The following SNX14 variants were observed in gnomAD, a reference collection of about 807,000 sequenced individuals.
SNX14 encodes the protein sorting nexin 14.
SNX14 carries 93 observed loss-of-function variants against 133.8 expected under a neutral mutation model. The ratio of observed to expected loss-of-function variants is 0.70; its 90% CI spans 0.59 to 0.83. The LOEUF (loss-of-function observed/expected upper bound fraction) is 0.83. Ranked by LOEUF, SNX14 falls within the 40% of genes least tolerant of loss-of-function variation. The probability of loss-of-function intolerance (pLI) is 0.00; values close to 1 mark genes in which losing one functional copy is unlikely to be tolerated. For missense variants in SNX14, 945 were observed against 1,094.9 expected (o/e 0.86, Z 1.93); for synonymous variants, 368 against 365.6 (o/e 1.01, Z -0.07).
At chr6:85,557,215 C>A (rs942261398) in intron 7 of SNX14, among the ~76,000 whole-genome samples, 3 of 152,094 alleles carry the variant, frequency 2.0e-5, no homozygotes, top group African/African-American at 4.8e-5. Flanking sequence ...ATACCAAATG[C>A]GAATACAAGG....
At chr6:85,535,028 CTTT>C (rs35936403) in intron 17 of SNX14, among the ~76,000 whole-genome samples, 17 of 124,122 alleles carry the variant, frequency 1.4e-4, no homozygotes, top group Admixed American at 2.5e-4. Context: ...TCTATCCATA[CTTT>C]TTTTTTTTTT....
intron 17 of SNX14, among the ~76,000 whole-genome samples, chr6:85,535,824 T>G (rs1018823947): frequency 6.6e-6 from 1 of 152,146 alleles, no homozygotes; most frequent in African/African-American, 2.4e-5. Flanking sequence ...CCACCTTTCC[T>G]CCTTCTTGGT....
At chr6:85,550,143 G>A (rs1420937090) in intron 7 of SNX14, among the ~76,000 whole-genome samples, 1 of 152,190 alleles carries the variant, frequency 6.6e-6, no homozygotes, top group Non-Finnish European at 1.5e-5. Flanking sequence ...CTACTCAAGA[G>A]GCTGAGGCAG....
chr6:85,578,702 A>G (rs192468387), intron 1 of SNX14, among the ~76,000 whole-genome samples: 111 of 152,354 alleles, frequency 7.3e-4, no homozygotes, highest in African/African-American at 2.5e-3. Flanking sequence ...TGCATCAGAA[A>G]GTAAACTAAC....
At chr6:85,542,153 A>G in intron 14 of SNX14, 110 bp from the exon 15 acceptor site, 1 of 640,986 alleles carries the variant, frequency 1.6e-6, no homozygotes, top group South Asian at 2.4e-5. Flanking sequence ...AAGCTATCTC[A>G]ATCAAGTGAA....
At chr6:85,535,446 T>C (rs1781626357) in intron 17 of SNX14, among the ~76,000 whole-genome samples, 1 of 151,352 alleles carries the variant, frequency 6.6e-6, no homozygotes, top group East Asian at 2.0e-4. Context: ...ACCCCATCCT[T>C]ACCAAAAAAA....
chr6:85,532,912 G>T (rs1780719502), intron 18 of SNX14, among the ~76,000 whole-genome samples: 1 of 151,844 alleles, frequency 6.6e-6, no homozygotes, highest in Admixed American at 6.6e-5. Flanking sequence ...TTGGAGACAG[G>T]GTTTCACTCT....
At chr6:85,543,529 C>CTGCAATAAT (rs1784475161) in intron 13 of SNX14, 76 bp downstream of exon 13, 7 of 1,289,902 alleles carry the variant, frequency 5.4e-6, no homozygotes, top group Non-Finnish European at 6.4e-6. Flanking sequence ...CAGCTAGCCA[C>CTGCAATAAT]TGCAATAATA....
chr6:85,581,543 C>A (rs1322083660), intron 1 of SNX14: 1 of 152,050 alleles, frequency 6.6e-6, no homozygotes, highest in Non-Finnish European at 1.5e-5. Flanking sequence ...AGATATGTGA[C>A]CTTTCAGATG....
chr6:85,549,407 T>C (rs1036852952), intron 8 of SNX14, among the ~76,000 whole-genome samples: 1 of 152,136 alleles, frequency 6.6e-6, no homozygotes, highest in Non-Finnish European at 1.5e-5. Flanking sequence ...ATAATGTGCA[T>C]GTCTTTAAAG....
At chr6:85,556,261 A>C (rs948900090) in intron 7 of SNX14, among the ~76,000 whole-genome samples, 1 of 151,820 alleles carries the variant, frequency 6.6e-6, no homozygotes, top group African/African-American at 2.4e-5. Context: ...TTACAACACA[A>C]CAATTAAGTT....
chr6:85,566,005 A>G (rs1468639534), intron 5 of SNX14, among the ~76,000 whole-genome samples: 3 of 152,228 alleles, frequency 2.0e-5, no homozygotes, highest in Non-Finnish European at 4.4e-5. Flanking sequence ...AAGAATGATG[A>G]TATCTTGAAC....
At chr6:85,582,899 G>A (rs1000011141) in intron 1 of SNX14, among the ~76,000 whole-genome samples, 4 of 152,048 alleles carry the variant, frequency 2.6e-5, no homozygotes, top group Non-Finnish European at 2.9e-5. Context: ...AGAAAAAGAG[G>A]AACTCCTCCC....
chr6:85,518,044 T>C lies in SNX14; in HGVS notation c.2112A>G (p.Lys704=). 1 of 1,604,562 alleles carries C rather than the reference T, an allele frequency of 6.2e-7. No individual in the cohort carries two copies. The highest frequency in any genetic ancestry group is 8.5e-7 in the Non-Finnish European group (1 of 1,174,450). Residue 704 remains lysine (K), a synonymous_variant, in exon 22 of 29, where the codon AAA becomes AAG. Transcript: ENST00000314673. ...GTTTTCCAGGAACAGATTTTATAATTTTCCCTGCAATTAAAAGTAAAACAT... is the reference window on the plus strand; with the variant it reads ...GTTTTCCAGGAACAGATTTTATAATCTTCCCTGCAATTAAAAGTAAAACAT... The part of the protein sequence containing the change: ...DKILPDVNLG[K]IIKSVPGKLM...
intron 2 of SNX14, among the ~76,000 whole-genome samples, chr6:85,572,803 T>A (rs1292519386): frequency 6.6e-6 from 1 of 151,530 alleles, no homozygotes; most frequent in South Asian, 2.1e-4. Flanking sequence ...CAAAAAAAAT[T>A]CAAAAATTAG....
chr6:85,564,993 A>G (rs1051731996), intron 6 of SNX14, among the ~76,000 whole-genome samples: 12 of 152,130 alleles, frequency 7.9e-5, no homozygotes, highest in Admixed American at 3.3e-4. Flanking sequence ...TGTCTAAAAA[A>G]AAAAAAAAAA....
chr6:85,548,538 C>A (rs1007991453), intron 8 of SNX14, among the ~76,000 whole-genome samples, 162 bp from the exon 9 acceptor site: 6 of 152,182 alleles, frequency 3.9e-5, no homozygotes, highest in Admixed American at 3.3e-4. Flanking sequence ...AAACTCTCAA[C>A]CAATGTTCAT....
At position 85,543,303 on chromosome 6, in the gene SNX14, G is replaced by T. The variant is rs750938702; in HGVS notation, c.1268C>A (p.Ala423Asp). The T allele has an allele frequency of 1.3e-6, 2 of 1,560,266 alleles. No homozygotes were observed. The highest frequency in any genetic ancestry group is 2.5e-5 in the South Asian group (2 of 81,546). The change falls in exon 14 of 29, where the codon GCT (alanine) becomes GAT (aspartate). Residue 423 changes from alanine to aspartate, a missense_variant. This residue lies in a region of SNX14 where 514 missense variants were observed against 538.8 expected (regional missense o/e 0.95). Coordinates refer to ENST00000314673, the MANE Select transcript of SNX14 (RefSeq NM_153816.6). ...CACAACATCTATGTATGGGCCTTCA[G>T]CAACTATTAAAAAAATTCTACTGTA... ...PFIVEEIQRI[A>D]EGPYIDVVKL...
chr6:85,570,912 C>A (rs1795341009), intron 4 of SNX14, among the ~76,000 whole-genome samples: 1 of 152,008 alleles, frequency 6.6e-6, no homozygotes, highest in South Asian at 2.1e-4. Flanking sequence ...AGTCTTCTTA[C>A]AAAATCTTCA....
Sources: gnomAD v4.1 joint callset for allele counts (sites outside exome capture counted in the v4.1 genomes callset) on GRCh38, gnomAD v4.1.1 for gene constraint, gnomAD v4.1.1 regional missense constraint, MANE v1.5 for transcripts, NCBI Gene and HGNC (gene_info 2026-07-23, HGNC 2026-07-21) for gene names.